The following SLC22A24 variants were observed in gnomAD, a reference collection of about 807,000 sequenced individuals.
The protein encoded by SLC22A24 is steroid transmembrane transporter SLC22A24.
A neutral mutation model predicts 49.8 loss-of-function variants in SLC22A24; 53 were observed. That is an observed-to-expected ratio of 1.06 (90% CI 0.85 to 1.34). SLC22A24 has a LOEUF of 1.34. SLC22A24 is among the 40% of genes most tolerant of loss of function. The pLI is 0.00. For synonymous variants in SLC22A24, 302 were observed against 256.4 expected (o/e 1.18, Z -1.70); for missense variants, 786 against 675.9 (o/e 1.16, Z -1.81).
intron 2 of SLC22A24, among the ~76,000 whole-genome samples, chr11:63,131,624 G>A (rs2087336185): frequency 6.6e-6 from 1 of 152,232 alleles, no homozygotes; most frequent in Non-Finnish European, 1.5e-5. Context: ...TTTCTGGCTT[G>A]TAGGGTTTCT....
chr11:63,112,710 CTG>C (rs1225576916), intron 4 of SLC22A24, among the ~76,000 whole-genome samples: 5 of 152,018 alleles, frequency 3.3e-5, no homozygotes, highest in Non-Finnish European at 7.4e-5. Flanking sequence ...CATCTTTTAA[CTG>C]GGGCATTTAG....
chr11:63,107,646 C>T (rs2087130598), intron 4 of SLC22A24, among the ~76,000 whole-genome samples: 2 of 152,066 alleles, frequency 1.3e-5, no homozygotes, highest in South Asian at 4.2e-4. Flanking sequence ...AAAGTACTGT[C>T]ACATCCCTTG....
chr11:63,142,450 G>T (rs1270996748), intron 1 of SLC22A24, among the ~76,000 whole-genome samples: 1 of 152,098 alleles, frequency 6.6e-6, no homozygotes, highest in Non-Finnish European at 1.5e-5. Context: ...TGCATTCCTG[G>T]GCATAGGCTG....
chr11:63,142,797 C>T (rs1939751), intron 1 of SLC22A24, among the ~76,000 whole-genome samples: 108,485 of 151,614 alleles, frequency 0.72, 40,205 homozygotes, highest in East Asian at 0.9. Flanking sequence ...CAGCCCTGAT[C>T]AGTCAGCACT....
chr11:63,099,147 G>A (rs1276531003), intron 5 of SLC22A24, among the ~76,000 whole-genome samples: 5 of 151,918 alleles, frequency 3.3e-5, no homozygotes, highest in Non-Finnish European at 5.9e-5. Context: ...GTAAGCACAG[G>A]AACTGATGAT....
In SLC22A24 at chr11:63,083,442, T is replaced by C; in HGVS notation, c.1086A>G (p.Val362=). 1 of 1,550,962 alleles carries C rather than the reference T, an allele frequency of 6.4e-7. No individual in the cohort carries two copies. Among genetic ancestry groups the C allele is most frequent in the South Asian group, 1.2e-5 (1 of 84,022 alleles). The part of the protein sequence containing the change: ...GLCFVRFAIT[V]PFYGLILNLQ... The stretch of plus-strand genomic sequence containing the variant: ...AGTTGAGTATCAGGCCATAAAAGGG[T>C]ACAGTGATTGCGAATCTGAAGTGAA... Residue 362 remains valine, a synonymous_variant, in exon 7 of 10, where the codon GTA becomes GTG. Transcript: ENST00000612278.
At chr11:63,124,962 G>C (rs573903487) in intron 2 of SLC22A24, among the ~76,000 whole-genome samples, 1 of 151,676 alleles carries the variant, frequency 6.6e-6, no homozygotes, top group Non-Finnish European at 1.5e-5. Flanking sequence ...GCGGGGTGGG[G>C]GGAGTGGGGA....
rs762579200 is a variant in SLC22A24, at chr11:63,143,357, G to T, written c.402+21C>A. On this transcript the variant is annotated intron_variant, in intron 1 of 9. Coordinates refer to ENST00000612278, the MANE Select transcript of SLC22A24 (RefSeq NM_001136506.2). ...AAACACTTTAATCATATAAACAGAA[G>T]ATTTACATGGGGCCTCTTACCTCAG... is the stretch of plus-strand genomic sequence containing the variant. The T allele has an allele frequency of 2.8e-6, 4 of 1,431,060 alleles. No homozygotes were observed. The East Asian group carries it at 7.7e-5, about 28-fold the overall frequency. 88.6% of individuals were successfully genotyped at this position (1,431,060 alleles called of 1,614,324 possible). A position where few individuals can be genotyped will look rare whatever the true frequency, so the allele number is the denominator to read the frequency against.
At position 63,106,267 on chromosome 11, in the gene SLC22A24, A is replaced by C. The variant is rs538570953; in HGVS notation, c.831-1969T>G. ...TCCATACAAAGGACATGAACTCATC[A>C]TTTTTTATGGCTGCATTGTATTTCA... is the stretch of plus-strand genomic sequence containing the variant. On this transcript the variant is annotated intron_variant, in intron 4 of 9. Coordinates refer to ENST00000612278, the MANE Select transcript of SLC22A24 (RefSeq NM_001136506.2). 2.4e-4 allele frequency among the ~76,000 whole-genome samples: 36 copies of C among 152,058 alleles called. No homozygotes were observed. In the South Asian group the frequency reaches 7.5e-3, roughly 32 times the overall value.
At chr11:63,138,551 A>G (rs1305593206) in intron 1 of SLC22A24, among the ~76,000 whole-genome samples, 1 of 146,450 alleles carries the variant, frequency 6.8e-6, no homozygotes, top group Non-Finnish European at 1.5e-5. Flanking sequence ...CTGAGGCAGG[A>G]GAATGGCATG....
intron 2 of SLC22A24, among the ~76,000 whole-genome samples, chr11:63,132,851 G>C (rs2087346631): frequency 6.6e-6 from 1 of 152,190 alleles, no homozygotes; most frequent in East Asian, 1.9e-4. Flanking sequence ...GTCAGACAGG[G>C]ATGTTTAAGT....
intron 4 of SLC22A24, chr11:63,116,349 T>G (rs2087213153): frequency 5.1e-6 from 1 of 197,960 alleles, no homozygotes; most frequent in Non-Finnish European, 1.0e-5. Context: ...GTCTGCACCT[T>G]AAGCCGCAGC....
chr11:63,141,867 T>C (rs1353086657), intron 1 of SLC22A24, among the ~76,000 whole-genome samples: 2 of 152,226 alleles, frequency 1.3e-5, no homozygotes, highest in Non-Finnish European at 2.9e-5. Context: ...TCTATCATAA[T>C]TTGTTTTTAA....
At chr11:63,142,615 T>C (rs1294720578) in intron 1 of SLC22A24, among the ~76,000 whole-genome samples, 1 of 152,170 alleles carries the variant, frequency 6.6e-6, no homozygotes, top group Non-Finnish European at 1.5e-5. Context: ...GGCTACAAGA[T>C]TCTGACCCTC....
chr11:63,094,246 G>T (rs1331432770), intron 6 of SLC22A24, among the ~76,000 whole-genome samples: 2 of 149,996 alleles, frequency 1.3e-5, no homozygotes, highest in South Asian at 2.1e-4. Context: ...GCAGTGTTTG[G>T]TTTTTTGTCC....
intron 5 of SLC22A24, among the ~76,000 whole-genome samples, chr11:63,103,658 A>G (rs963155752): frequency 7.2e-5 from 11 of 152,298 alleles, no homozygotes; most frequent in Admixed American, 5.9e-4. Context: ...AGTACCCCTG[A>G]TGAAGACAAT....
intron 2 of SLC22A24, among the ~76,000 whole-genome samples, chr11:63,128,864 C>T (rs1051496949): frequency 3.3e-4 from 50 of 152,184 alleles, no homozygotes; most frequent in African/African-American, 1.1e-3. Flanking sequence ...GGTAGTGGTC[C>T]CCCAGGCACA....
intron 4 of SLC22A24, among the ~76,000 whole-genome samples, chr11:63,105,139 G>T (rs1050539630): frequency 1.3e-5 from 2 of 152,236 alleles, no homozygotes; most frequent in African/African-American, 2.4e-5. Flanking sequence ...GCAAGGGGTG[G>T]GTTCCCATGG....
intron 1 of SLC22A24, among the ~76,000 whole-genome samples, chr11:63,135,257 A>G (rs1031183000): frequency 2.0e-5 from 3 of 152,198 alleles, no homozygotes; most frequent in Admixed American, 6.5e-5. Flanking sequence ...CAACTACTAC[A>G]GTAAGTCTCA....
Sources: allele counts gnomAD v4.1 joint callset (sites outside exome capture counted in the v4.1 genomes callset), GRCh38; gene constraint gnomAD v4.1.1; transcripts MANE v1.5; gene names NCBI Gene and HGNC (gene_info 2026-07-23, HGNC 2026-07-21).